COA1: variants seen among roughly 807,000 people sequenced by gnomAD.
COA1 encodes the protein cytochrome c oxidase assembly factor 1 homolog.
In COA1, 13 loss-of-function variants were observed where a neutral mutation model predicts 16.0. The ratio of observed to expected loss-of-function variants is 0.81; its 90% CI spans 0.53 to 1.29. The LOEUF (loss-of-function observed/expected upper bound fraction) is 1.29, where lower values mean the gene tolerates loss of function less well. Among genes scored for constraint, COA1 ranks in the 50% most tolerant of loss-of-function variants. The pLI, the probability that COA1 is intolerant of heterozygous loss-of-function variation, is 0.00. For synonymous variants in COA1, 65 were observed against 65.7 expected (o/e 0.99, Z 0.05); for missense variants, 179 against 177.0 (o/e 1.01, Z -0.06).
chr7:43,652,463 TAAGA>T (rs1050080736), intron 1 of COA1, among the ~76,000 whole-genome samples: 21 of 152,144 alleles, frequency 1.4e-4, no homozygotes, highest in African/African-American at 4.8e-4. Flanking sequence ...AAAAAAGCCT[TAAGA>T]AAGAAAGGTT....
chr7:43,717,302 C>T (rs150380369), intron 1 of COA1, among the ~76,000 whole-genome samples: 23 of 152,302 alleles, frequency 1.5e-4, no homozygotes, highest in African/African-American at 5.3e-4. Flanking sequence ...TGCAAAGCCA[C>T]AGGGGTGGAG....
intron 6 of COA1, chr7:43,632,926 G>C (rs2085320356): frequency 6.6e-6 from 1 of 152,184 alleles, no homozygotes; most frequent in Non-Finnish European, 1.5e-5. Flanking sequence ...GCTGTAAACA[G>C]ACCCAACGTC....
In COA1 at chr7:43,727,973, CTTTCT is replaced by C. The variant is rs796642324; in HGVS notation, c.-39+1451_-39+1455del. ...AATGTACTAATTACTTTTAGGTTTTCTTTCTTTTTTTTTTTTTTTGAGATGGAGTC... is the reference window on the plus strand; with the variant it reads ...AATGTACTAATTACTTTTAGGTTTTCTTTTTTTTTTTTTTGAGATGGAGTC... On this transcript the variant is annotated intron_variant, in intron 1 of 5. Coordinates refer to ENST00000223336, the MANE Select transcript of COA1 (RefSeq NM_018224.4). Among the ~76,000 whole-genome samples, 35 of 138,258 alleles carry C rather than the reference CTTTCT, an allele frequency of 2.5e-4. No homozygotes were observed. In the South Asian group the frequency reaches 7.1e-3, roughly 28 times the overall value. 90.7% of individuals were successfully genotyped at this position (138,258 alleles called of 152,430 possible). A position where few individuals can be genotyped will look rare whatever the true frequency, so the allele number is the denominator to read the frequency against.
intron 2 of COA1, chr7:43,648,378 CAG>C: frequency 1.6e-6 from 1 of 629,704 alleles, no homozygotes; most frequent in Non-Finnish European, 2.9e-6. Flanking sequence ...GAGAGGTTCC[CAG>C]AGTGTTACAG....
rs147983829 is a variant in COA1 at position 43,710,922 on chromosome 7, T to C, written c.-39+18507A>G. ...ACAATAAGCAGCTGCCAGGGTTTCA[T>C]TGTCATTAAATGTAGCAAGTCACAT... On this transcript the variant is annotated intron_variant, in intron 1 of 5. Transcript: ENST00000223336. 2.6e-4 allele frequency among the ~76,000 whole-genome samples: 40 copies of C among 152,208 alleles called. No homozygotes were observed. The East Asian group carries it at 6.4e-3, about 24-fold the overall frequency.
intron 6 of COA1, among the ~76,000 whole-genome samples, chr7:43,627,587 A>G (rs924884822): frequency 6.6e-6 from 1 of 152,216 alleles, no homozygotes; most frequent in Non-Finnish European, 1.5e-5. Flanking sequence ...CTCAATTTGA[A>G]TTAGACTGAT....
chr7:43,728,728 T>C (rs1262393230), intron 1 of COA1, among the ~76,000 whole-genome samples: 2 of 152,212 alleles, frequency 1.3e-5, no homozygotes. Flanking sequence ...AGCGGAGAGT[T>C]GCTACTTCTA....
intron 1 of COA1, among the ~76,000 whole-genome samples, chr7:43,705,331 A>C (rs1202902309): frequency 6.6e-6 from 1 of 152,224 alleles, no homozygotes. Context: ...TGGCAGGAGA[A>C]GGCTGCAGGT....
intron 1 of COA1, among the ~76,000 whole-genome samples, chr7:43,718,730 T>C (rs2095444372): frequency 2.0e-5 from 3 of 152,234 alleles, no homozygotes; most frequent in African/African-American, 7.2e-5. Context: ...TTGGCTTTGC[T>C]ACTTCTTGAG....
chr7:43,613,389 T>C (rs1041760209), intron 6 of COA1, among the ~76,000 whole-genome samples: 1 of 152,156 alleles, frequency 6.6e-6, no homozygotes, highest in African/African-American at 2.4e-5. Context: ...TGTGCTTAGG[T>C]TATATGCAAA....
At chr7:43,635,027 G>A (rs776490099), downstream of COA1, among the ~76,000 whole-genome samples, 3 of 152,164 alleles carry the variant, frequency 2.0e-5, no homozygotes, top group Non-Finnish European at 4.4e-5. Flanking sequence ...GAGGAATAGC[G>A]AGAAGTGTGT....
intron 1 of COA1, among the ~76,000 whole-genome samples, chr7:43,685,309 C>A (rs1220578780): frequency 6.6e-6 from 1 of 152,192 alleles, no homozygotes; most frequent in Non-Finnish European, 1.5e-5. Context: ...ATCCTACTCT[C>A]AAACTTGACT....
intron 1 of COA1, among the ~76,000 whole-genome samples, chr7:43,713,778 C>T (rs1383423533): frequency 1.3e-5 from 2 of 152,144 alleles, no homozygotes; most frequent in African/African-American, 2.4e-5. Context: ...CTGGCTCAGG[C>T]CTGTAATTCC....
Position 43,644,740 on chromosome 7 carries a change from A to AGATAGATAGATAGATAGATGGATG in COA1, c.264+510_264+511insCATCCATCTATCTATCTATCTATC, listed in dbSNP as rs1554501164. 2.1e-3 allele frequency among the ~76,000 whole-genome samples: 178 copies of AGATAGATAGATAGATAGATGGATG among 85,622 alleles called. 4 individuals are homozygous for AGATAGATAGATAGATAGATGGATG. Among genetic ancestry groups the AGATAGATAGATAGATAGATGGATG allele is most frequent in the South Asian group, 7.2e-4 (2 of 2,790 alleles). 56.2% of individuals were successfully genotyped at this position (85,622 alleles called of 152,430 possible). A position where few individuals can be genotyped will look rare whatever the true frequency, so the allele number is the denominator to read the frequency against. On this transcript the variant is annotated intron_variant, in intron 4 of 5. Coordinates refer to ENST00000223336, the MANE Select transcript of COA1 (RefSeq NM_018224.4). Reference sequence around the variant, plus strand: ...TAGATAGATAGATAGATAGATAGATAGATAGATAGATAGATAGATAGGCAG... The same window carrying AGATAGATAGATAGATAGATGGATG: ...TAGATAGATAGATAGATAGATAGATAGATAGATAGATAGATAGATGGATGGATAGATAGATAGATAGATAGGCAG...
chr7:43,724,977 G>A (rs7807436), intron 1 of COA1, among the ~76,000 whole-genome samples: 16,957 of 152,280 alleles, frequency 0.11, 1,066 homozygotes, highest in Admixed American at 0.19. Flanking sequence ...AGTGGCGCAC[G>A]CCTGCAATCC....
intron 1 of COA1, among the ~76,000 whole-genome samples, chr7:43,692,689 C>A (rs1281732106): frequency 6.6e-6 from 1 of 152,110 alleles, no homozygotes. Context: ...AAAGCTCAAA[C>A]CAAAATAAAC....
intron 1 of COA1, among the ~76,000 whole-genome samples, chr7:43,698,570 A>G (rs2094600264): frequency 6.6e-6 from 1 of 152,238 alleles, no homozygotes; most frequent in East Asian, 1.9e-4. Context: ...AAAGCCTCCT[A>G]TACATAACCA....
At chr7:43,629,137 TG>T (rs1459269541) in intron 6 of COA1, among the ~76,000 whole-genome samples, 2 of 152,350 alleles carry the variant, frequency 1.3e-5, no homozygotes, top group African/African-American at 4.8e-5. Context: ...TAAACTGTTT[TG>T]GTGCCCGGTC....
chr7:43,648,428 G>A, intron 2 of COA1, 172 bp downstream of exon 2: 1 of 772,700 alleles, frequency 1.3e-6, no homozygotes, highest in East Asian at 2.4e-5. Flanking sequence ...GAAAGACAGA[G>A]TGGGAAACAA....
Sources: allele counts gnomAD v4.1 joint callset (sites outside exome capture counted in the v4.1 genomes callset), GRCh38; gene constraint gnomAD v4.1.1; transcripts MANE v1.5; gene names NCBI Gene and HGNC (gene_info 2026-07-23, HGNC 2026-07-21).